ZSCAN25: variants seen among roughly 807,000 people sequenced by gnomAD.
ZSCAN25 encodes the protein zinc finger and SCAN domain-containing protein 25.
ZSCAN25 carries 27 observed loss-of-function variants against 38.7 expected under a neutral mutation model. That is an observed-to-expected ratio of 0.70 (90% CI 0.51 to 0.96). The LOEUF is 0.96. Among genes scored for constraint, ZSCAN25 ranks in the 40% least tolerant of loss-of-function variants. The pLI is 0.00. For synonymous variants in ZSCAN25, 273 were observed against 277.7 expected (o/e 0.98, Z 0.17); for missense variants, 637 against 705.9 (o/e 0.90, Z 1.11).
the ZSCAN25 span, among the ~76,000 whole-genome samples, chr7:99,670,371 C>G: frequency 6.6e-6 from 1 of 152,124 alleles, no homozygotes; most frequent in Non-Finnish European, 1.5e-5. Context: ...ATGGCAAGCT[C>G]AAATTAAGGC....
At chr7:99,695,132 C>T in the ZSCAN25 span, among the ~76,000 whole-genome samples, 38,124 of 152,066 alleles carry the variant, frequency 0.25, 8,386 homozygotes, top group African/African-American at 0.58. Flanking sequence ...AACACCTTTG[C>T]TCTGACTCCC....
the ZSCAN25 span, among the ~76,000 whole-genome samples, chr7:99,704,417 G>T: frequency 6.6e-6 from 1 of 151,824 alleles, no homozygotes; most frequent in African/African-American, 2.4e-5. Context: ...CAGCCTCCTG[G>T]GTAGCTGAGA....
the ZSCAN25 span, among the ~76,000 whole-genome samples, chr7:99,677,051 A>G: frequency 4.6e-5 from 7 of 152,196 alleles, no homozygotes; most frequent in South Asian, 1.2e-3. Flanking sequence ...AAGGTGGTCA[A>G]CCAGAAAGCA....
chr7:99,696,654 C>T, the ZSCAN25 span, among the ~76,000 whole-genome samples: 1 of 152,206 alleles, frequency 6.6e-6, no homozygotes, highest in Non-Finnish European at 1.5e-5. Flanking sequence ...GGACATTCCT[C>T]CTCTTGTGGA....
the ZSCAN25 span, among the ~76,000 whole-genome samples, chr7:99,697,764 A>G: frequency 2.2e-4 from 34 of 152,210 alleles, no homozygotes; most frequent in African/African-American, 8.2e-4. Context: ...GAGGCAGCAT[A>G]TAGTGCATTT....
chr7:99,684,787 T>G, the ZSCAN25 span, among the ~76,000 whole-genome samples: 2 of 152,266 alleles, frequency 1.3e-5, no homozygotes, highest in Non-Finnish European at 2.9e-5. Context: ...AAATAATTCT[T>G]ATTTTCATTA....
the ZSCAN25 span, among the ~76,000 whole-genome samples, chr7:99,643,571 G>A: frequency 1.3e-5 from 2 of 151,904 alleles, no homozygotes; most frequent in Admixed American, 1.3e-4. Flanking sequence ...AGATTCTGTT[G>A]AGTTTTTTGT....
the ZSCAN25 span, chr7:99,660,417 A>G: frequency 1.3e-6 from 2 of 1,494,136 alleles, no homozygotes. Flanking sequence ...GCTTTTTATA[A>G]AAATTCTCCT....
chr7:99,674,544 T>C, the ZSCAN25 span: 3 of 1,613,624 alleles, frequency 1.9e-6, no homozygotes, highest in African/African-American at 1.3e-5. Flanking sequence ...CCCACATTTT[T>C]CCATACTTTT....
the ZSCAN25 span, among the ~76,000 whole-genome samples, chr7:99,731,846 C>T: frequency 1.9e-3 from 283 of 152,284 alleles, 1 homozygote; most frequent in Non-Finnish European, 3.2e-3. Context: ...ACCTCAGTCT[C>T]TGTGGTCAGA....
chr7:99,736,507 C>A, the ZSCAN25 span, among the ~76,000 whole-genome samples: 3 of 152,172 alleles, frequency 2.0e-5, no homozygotes, highest in East Asian at 3.9e-4. Context: ...TGGGAGAGAT[C>A]TCAGTGATGA....
At chr7:99,641,581 G>T in the ZSCAN25 span, among the ~76,000 whole-genome samples, 34 of 152,210 alleles carry the variant, frequency 2.2e-4, no homozygotes, top group South Asian at 6.9e-3. Context: ...CCTACTTAAA[G>T]ATCAAGTAGG....
chr7:99,634,615 C>A (rs1159695736), downstream of ZSCAN25, among the ~76,000 whole-genome samples: 1 of 152,118 alleles, frequency 6.6e-6, no homozygotes, highest in Non-Finnish European at 1.5e-5. Context: ...CAGTGAAACC[C>A]CATCTCTACT....
the ZSCAN25 span, among the ~76,000 whole-genome samples, chr7:99,704,294 C>T: frequency 3.3e-5 from 5 of 152,032 alleles, no homozygotes; most frequent in African/African-American, 1.2e-4. Context: ...TACAAAAAGG[C>T]ATAATTTTAT....
At chr7:99,723,760 T>A in the ZSCAN25 span, among the ~76,000 whole-genome samples, 2 of 152,140 alleles carry the variant, frequency 1.3e-5, no homozygotes, top group African/African-American at 2.4e-5. Context: ...TTGCTATCCC[T>A]CCACCCTTCA....
chr7:99,661,738 T>G, the ZSCAN25 span, among the ~76,000 whole-genome samples: 1 of 152,244 alleles, frequency 6.6e-6, no homozygotes, highest in African/African-American at 2.4e-5. Context: ...TGTATGCTGC[T>G]GTGGGTAAAT....
At chr7:99,702,290 C>T in the ZSCAN25 span, among the ~76,000 whole-genome samples, 1 of 152,022 alleles carries the variant, frequency 6.6e-6, no homozygotes, top group South Asian at 2.1e-4. Flanking sequence ...AGGGTTTCAC[C>T]TTATTGGCCA....
the ZSCAN25 span, among the ~76,000 whole-genome samples, chr7:99,687,866 T>C: frequency 6.6e-6 from 1 of 152,308 alleles, no homozygotes; most frequent in East Asian, 1.9e-4. Context: ...GGACCAATAT[T>C]CAACATTCTT....
At chr7:99,671,552 C>A in the ZSCAN25 span, 2 of 354,930 alleles carry the variant, frequency 5.6e-6, no homozygotes, top group South Asian at 5.4e-5. Context: ...GAAAATGAAC[C>A]TTGATCTAAA....
Sources: allele counts gnomAD v4.1 joint callset (sites outside exome capture counted in the v4.1 genomes callset), GRCh38; gene constraint gnomAD v4.1.1; transcripts MANE v1.5; gene names NCBI Gene and HGNC (gene_info 2026-07-23, HGNC 2026-07-21).